Variants in FAM20B observed in about 807,000 individuals in gnomAD.
FAM20B encodes the protein FAM20B glycosaminoglycan xylosylkinase, also known as glycosaminoglycan xylosylkinase.
In FAM20B, 23 loss-of-function variants were observed where a neutral mutation model predicts 43.8. The ratio of observed to expected loss-of-function variants is 0.53; its 90% CI spans 0.38 to 0.74. FAM20B has a LOEUF of 0.74. Ranked by LOEUF, FAM20B falls within the 30% of genes least tolerant of loss-of-function variation. The pLI, the probability that FAM20B is intolerant of heterozygous loss-of-function variation, is 0.00. For missense variants in FAM20B, 440 were observed against 510.5 expected (o/e 0.86, Z 1.33); for synonymous variants, 178 against 192.4 (o/e 0.93, Z 0.62).
chr1:179,061,921 G>A (rs1651480934), intron 4 of FAM20B, among the ~76,000 whole-genome samples: 1 of 152,100 alleles, frequency 6.6e-6, no homozygotes, highest in African/African-American at 2.4e-5. Context: ...ACTAGTTCCT[G>A]TGTCATTTTG....
At chr1:179,053,604 A>C (rs906218435) in intron 3 of FAM20B, among the ~76,000 whole-genome samples, 1 of 152,036 alleles carries the variant, frequency 6.6e-6, no homozygotes, top group African/African-American at 2.4e-5. Context: ...CTGGATTTCT[A>C]TGTTATTTTG....
At chr1:179,026,390 C>T (rs570959267) in intron 1 of FAM20B, among the ~76,000 whole-genome samples, 19 of 152,142 alleles carry the variant, frequency 1.2e-4, no homozygotes, top group African/African-American at 4.3e-4. Context: ...CGCCACGTCC[C>T]TGGCCCACCT....
At position 179,066,427 on chromosome 1, in the gene FAM20B, A is replaced by G. The variant is rs115537816; in HGVS notation, c.939-373A>G. On this transcript the variant is annotated intron_variant, in intron 6 of 7. Transcript: ENST00000263733. ...GTCATCTGCTTGTTTGTGGGAATCTAATATAAATGGCTTTTATTTCTCTCT... is the reference window on the plus strand; with the variant it reads ...GTCATCTGCTTGTTTGTGGGAATCTGATATAAATGGCTTTTATTTCTCTCT... Among the ~76,000 whole-genome samples the G allele has an allele frequency of 4.5e-3, 683 of 152,136 alleles. 3 individuals are homozygous for G. The highest frequency in any genetic ancestry group is 4.5e-3 in the Non-Finnish European group (305 of 68,022).
intron 4 of FAM20B, among the ~76,000 whole-genome samples, chr1:179,061,740 G>T (rs1351935756): frequency 1.3e-5 from 2 of 152,006 alleles, no homozygotes; most frequent in Non-Finnish European, 2.9e-5. Context: ...TTCTATCGTT[G>T]CTTCTAGACC....
chr1:179,051,964 A>T (rs1021486308), intron 3 of FAM20B, among the ~76,000 whole-genome samples: 2 of 152,016 alleles, frequency 1.3e-5, no homozygotes, highest in African/African-American at 2.4e-5. Context: ...TGAATTTATA[A>T]GGAAACCAGA....
At chr1:179,047,066 G>A (rs181843498) in intron 2 of FAM20B, among the ~76,000 whole-genome samples, 4 of 152,328 alleles carry the variant, frequency 2.6e-5, no homozygotes, top group African/African-American at 9.6e-5. Flanking sequence ...GGGACAGCAG[G>A]AAGTGTGTTA....
chr1:179,071,934 C>G lies in FAM20B; in HGVS notation c.1020C>G (p.Asn340Lys), dbSNP rs754953535. 6.2e-7 allele frequency: 1 copy of G among 1,613,866 alleles called. No homozygotes were observed. The highest frequency in any genetic ancestry group is 1.7e-5 in the Admixed American group (1 of 60,016). ...CCAGCATTCGGGTGTCCACCTGGAACAGACTGAACTACCTAAAGAATGGTG... is the reference window on the plus strand; with the variant it reads ...CCAGCATTCGGGTGTCCACCTGGAAGAGACTGAACTACCTAAAGAATGGTG... Reference protein sequence around the residue: ...QCCIIRVSTWNRLNYLKNGVL... With the variant: ...QCCIIRVSTWKRLNYLKNGVL... The change falls in exon 8 of 8, where the codon AAC becomes AAG. Residue 340 changes from asparagine (N) to lysine (K), a missense_variant. By Grantham distance (94) the Asn-to-Lys change is moderately conservative. Transcript: ENST00000263733.
Position 179,035,518 on chromosome 1 carries a change from C to T in FAM20B, c.-133-8197C>T, listed in dbSNP as rs1005514631. ...GAAATGTCCCTGACTGCTGTGGCCT[C>T]CACTATATTTCGAATGATGAATTTC... On this transcript the variant is annotated intron_variant, in intron 1 of 7. Transcript: ENST00000263733. 1.5e-5 allele frequency: 10 copies of T among 677,074 alleles called. 1 individual carries two copies. Among genetic ancestry groups the T allele is most frequent in the Non-Finnish European group, 2.2e-5 (8 of 364,762 alleles). The allele number at this position is 677,074 out of a possible 1,614,324, so 41.9% of individuals were successfully genotyped here.
In FAM20B at chr1:179,074,673, T is replaced by C. The variant is rs1335648311; in HGVS notation, c.*2529T>C. 6.6e-6 allele frequency: 1 copy of C among 152,244 alleles called. No individual in the cohort carries two copies. Among genetic ancestry groups the C allele is most frequent in the Non-Finnish European group, 1.5e-5 (1 of 68,042 alleles). The allele number at this position is 152,244 out of a possible 1,614,324, so 9.4% of individuals were successfully genotyped here. A position where few individuals can be genotyped will look rare whatever the true frequency, so the allele number is the denominator to read the frequency against. ...CTCGTGATCTTAAAAGGCATTCTGA[T>C]GATAAATTTAGAATTTTCATCTATA... On this transcript the variant is annotated 3_prime_UTR_variant, in exon 8 of 8. Transcript: ENST00000263733.
intron 4 of FAM20B, among the ~76,000 whole-genome samples, chr1:179,062,378 G>A (rs922779431): frequency 6.6e-6 from 1 of 152,044 alleles, no homozygotes; most frequent in Non-Finnish European, 1.5e-5. Flanking sequence ...CAGGCCTGGC[G>A]CAGTGGCTCA....
At chr1:179,036,116 C>G (rs1035287085) in intron 1 of FAM20B, among the ~76,000 whole-genome samples, 1 of 151,930 alleles carries the variant, frequency 6.6e-6, no homozygotes, top group East Asian at 1.9e-4. Flanking sequence ...GGTGACAGAG[C>G]GAGACTCTGT....
At position 179,050,307 on chromosome 1, in the gene FAM20B, G is replaced by C; in HGVS notation, c.406G>C (p.Glu136Gln). The change falls in exon 3 of 8, where the codon GAA (glutamate) becomes CAA (glutamine). Residue 136 changes from glutamate (E) to glutamine (Q), a missense_variant. Physicochemically the swap from Glu to Gln is conservative, Grantham distance 29 (BLOSUM62 2). Transcript: ENST00000263733. ...RYSRDHVVEG[E>Q]PYAGYDRHNA... ...TAGCCGAGACCATGTGGTGGAAGGG[G>C]AACCGTATGCTGGTTATGATAGACA... 6.2e-7 allele frequency: 1 copy of C among 1,613,906 alleles called. No homozygotes were observed. Among genetic ancestry groups the C allele is most frequent in the Non-Finnish European group, 8.5e-7 (1 of 1,179,822 alleles).
At chr1:179,054,860 G>A (rs1334685651) in intron 4 of FAM20B, among the ~76,000 whole-genome samples, 1 of 152,164 alleles carries the variant, frequency 6.6e-6, no homozygotes, top group African/African-American at 2.4e-5. Context: ...GTGACATAGG[G>A]AGTGAGGTCA....
At chr1:179,040,189 C>G (rs550484140) in intron 1 of FAM20B, among the ~76,000 whole-genome samples, 4 of 152,366 alleles carry the variant, frequency 2.6e-5, no homozygotes, top group African/African-American at 7.2e-5. Context: ...ACCCTTCCCC[C>G]CTTTCTACTC....
At chr1:179,018,917 GA>G in the FAM20B span, among the ~76,000 whole-genome samples, 2 of 152,238 alleles carry the variant, frequency 1.3e-5, no homozygotes, top group Non-Finnish European at 2.9e-5. Flanking sequence ...CTGAGAGCCA[GA>G]GGGCCGATGG....
rs149724701 is a variant in FAM20B at position 179,074,198 on chromosome 1, T to TA, written c.*2059dup. On this transcript the variant is annotated 3_prime_UTR_variant, in exon 8 of 8. Coordinates refer to ENST00000263733, the MANE Select transcript of FAM20B (RefSeq NM_014864.4). ...ATGAACAGAACAATGGGCTGAGTTA[T>TA]AAAAAGCGTGTATTGAATTTAAGAA... The TA allele has an allele frequency of 0.022, 3,320 of 152,748 alleles. 65 individuals carry two copies. The highest frequency in any genetic ancestry group is 0.048 in the Middle Eastern group (14 of 294). The allele number at this position is 152,748 out of a possible 1,614,324, so 9.5% of individuals were successfully genotyped here.
At chr1:179,063,741 A>AT (rs1282355529) in intron 4 of FAM20B, among the ~76,000 whole-genome samples, 186 bp from the exon 5 acceptor site, 1 of 152,088 alleles carries the variant, frequency 6.6e-6, no homozygotes, top group Non-Finnish European at 1.5e-5. Flanking sequence ...TACTTTTTAA[A>AT]TTTTTTTTAC....
rs1652136425 is a variant in FAM20B at position 179,076,563 on chromosome 1, A to G, written c.*4419A>G. The G allele has an allele frequency of 6.6e-6, 1 of 152,576 alleles. No homozygotes were observed. Among genetic ancestry groups the G allele is most frequent in the South Asian group, 2.1e-4 (1 of 4,822 alleles). The allele number at this position is 152,576 out of a possible 1,614,324, so 9.5% of individuals were successfully genotyped here. On this transcript the variant is annotated 3_prime_UTR_variant, in exon 8 of 8. Transcript: ENST00000263733. ...AAAATGAATAAAGATTTTAATAAAT[A>G]TTGATATCTGATCTTTTCCTCTTCT...
rs777225732 is a variant in FAM20B, at chr1:179,071,927, C to T, written c.1013C>T (p.Thr338Ile). Residue 338 changes from threonine to isoleucine, a missense_variant, in exon 8 of 8, where the codon ACC becomes ATC. Physicochemically the swap from Thr to Ile is moderately conservative, Grantham distance 89 (BLOSUM62 -1). Transcript: ENST00000263733. ...LYQCCIIRVS[T>I]WNRLNYLKNG... ...TTTTCTCCCAGCATTCGGGTGTCCA[C>T]CTGGAACAGACTGAACTACCTAAAG... is the stretch of plus-strand genomic sequence containing the variant. 4.3e-6 allele frequency: 7 copies of T among 1,613,674 alleles called. No homozygotes were observed. The highest frequency in any genetic ancestry group is 1.7e-5 in the Admixed American group (1 of 60,010).
Sources: gnomAD v4.1 joint callset for allele counts (sites outside exome capture counted in the v4.1 genomes callset) on GRCh38, gnomAD v4.1.1 for gene constraint, MANE v1.5 for transcripts, NCBI Gene and HGNC (gene_info 2026-07-23, HGNC 2026-07-21) for gene names.